The following PRCP variants were observed in gnomAD, a reference collection of about 807,000 sequenced individuals.
PRCP encodes the protein prolylcarboxypeptidase, also known as lysosomal Pro-X carboxypeptidase.
A neutral mutation model predicts 54.2 loss-of-function variants in PRCP; 46 were observed. The observed-to-expected ratio is 0.85, with a 90% confidence interval of 0.67 to 1.09. The LOEUF is 1.09. Among genes scored for constraint, PRCP ranks in the 50% least tolerant of loss-of-function variants. The pLI is 0.00. For synonymous variants in PRCP, 240 were observed against 212.2 expected, an observed-to-expected ratio of 1.13 and a Z score of -1.14; for missense variants, 613 against 596.8, an observed-to-expected ratio of 1.03 and a Z score of -0.28.
chr11:82,861,889 G>A (rs1013421230), intron 1 of PRCP, among the ~76,000 whole-genome samples: 15 of 151,996 alleles, frequency 9.9e-5, no homozygotes, highest in African/African-American at 3.4e-4. Flanking sequence ...ATTTTAATAT[G>A]GACTAGTTAT....
chr11:82,837,556 A>C (rs1183940900), intron 8 of PRCP, among the ~76,000 whole-genome samples: 2 of 152,252 alleles, frequency 1.3e-5, no homozygotes, highest in Admixed American at 6.5e-5. Flanking sequence ...GAACTTCTAA[A>C]AGAATGACAT....
intron 1 of PRCP, among the ~76,000 whole-genome samples, chr11:82,890,517 C>G (rs1264054695): frequency 6.6e-6 from 1 of 152,166 alleles, no homozygotes; most frequent in Non-Finnish European, 1.5e-5. Flanking sequence ...CCGTCACTTT[C>G]TCACTCTCTC....
chr11:82,825,138 A>G lies in PRCP; in HGVS notation c.1275-16T>C. 1 of 1,598,566 alleles carries G rather than the reference A, an allele frequency of 6.3e-7. No individual in the cohort carries two copies. Among genetic ancestry groups the G allele is most frequent in the Non-Finnish European group, 8.5e-7 (1 of 1,171,082 alleles). On this transcript the variant is annotated splice_polypyrimidine_tract_variant and intron_variant, in intron 8 of 8. Coordinates refer to ENST00000313010, the MANE Select transcript of PRCP (RefSeq NM_005040.4). The stretch of plus-strand genomic sequence containing the variant: ...TTCACCATTGCTGCAAGTGAAAAAA[A>G]GAAGAAAAAATAAAGTTGTTAGTTT...
intron 1 of PRCP, among the ~76,000 whole-genome samples, chr11:82,860,849 C>T (rs79082950): frequency 2.0e-5 from 3 of 152,210 alleles, no homozygotes; most frequent in African/African-American, 7.2e-5. Flanking sequence ...GGCTGATTGA[C>T]ATTTGGGACA....
At chr11:82,886,662 G>T (rs10792660) in intron 1 of PRCP, among the ~76,000 whole-genome samples, 1 of 152,012 alleles carries the variant, frequency 6.6e-6, no homozygotes, top group South Asian at 2.1e-4. Flanking sequence ...CATGGTACAA[G>T]GGCTGTGATG....
intron 1 of PRCP, among the ~76,000 whole-genome samples, chr11:82,872,269 C>T (rs1859500001): frequency 6.6e-6 from 1 of 152,186 alleles, no homozygotes; most frequent in South Asian, 2.1e-4. Flanking sequence ...GCTCCAATAA[C>T]ACAGCCTACT....
chr11:82,825,899 T>C (rs1858218152), intron 8 of PRCP: 1 of 152,216 alleles, frequency 6.6e-6, no homozygotes, highest in Non-Finnish European at 1.5e-5. Flanking sequence ...GAGTATCTAC[T>C]TTCACTGAGT....
chr11:82,839,483 T>C, intron 6 of PRCP, 58 bp from the exon 7 acceptor site: 1 of 1,486,154 alleles, frequency 6.7e-7, no homozygotes, highest in Non-Finnish European at 9.2e-7. Flanking sequence ...AAAATGACAG[T>C]TTAATAACAC....
At chr11:82,828,276 T>G (rs1445091002) in intron 8 of PRCP, 1 of 152,212 alleles carries the variant, frequency 6.6e-6, no homozygotes, top group Non-Finnish European at 1.5e-5. Flanking sequence ...GAACCATGAC[T>G]GCTGTTGGAA....
intron 8 of PRCP, among the ~76,000 whole-genome samples, chr11:82,832,729 T>C (rs1228864170): frequency 1.3e-5 from 2 of 152,252 alleles, no homozygotes; most frequent in Non-Finnish European, 2.9e-5. Flanking sequence ...TTGTCAATTT[T>C]GGCTTTTGTT....
At chr11:82,844,359 G>A (rs900142716) in intron 6 of PRCP, among the ~76,000 whole-genome samples, 2 of 152,074 alleles carry the variant, frequency 1.3e-5, no homozygotes, top group African/African-American at 4.8e-5. Context: ...GGAGTTCAAG[G>A]CTGCAGTGAG....
chr11:82,857,635 T>C (rs1230202070), intron 2 of PRCP, among the ~76,000 whole-genome samples: 1 of 152,258 alleles, frequency 6.6e-6, no homozygotes, highest in African/African-American at 2.4e-5. Flanking sequence ...TTGTCATTCC[T>C]AGTGCACATT....
chr11:82,887,439 G>T (rs764174426), intron 1 of PRCP, among the ~76,000 whole-genome samples: 3 of 152,144 alleles, frequency 2.0e-5, no homozygotes, highest in Non-Finnish European at 2.9e-5. Context: ...GTAACTGTTA[G>T]GTATTATATC....
At chr11:82,849,023 A>G (rs747274370) in intron 6 of PRCP, 26 bp downstream of exon 6, 1 of 1,598,116 alleles carries the variant, frequency 6.3e-7, no homozygotes, top group Non-Finnish European at 8.5e-7. Context: ...TTATTAAAAA[A>G]TGATGACAGG....
chr11:82,876,521 G>A (rs1375097464), intron 1 of PRCP, among the ~76,000 whole-genome samples: 2 of 152,144 alleles, frequency 1.3e-5, no homozygotes, highest in African/African-American at 4.8e-5. Flanking sequence ...GAACTCCCAC[G>A]TGTTGTGGGA....
chr11:82,861,235 T>G (rs1565227060), intron 1 of PRCP, among the ~76,000 whole-genome samples: 1 of 152,162 alleles, frequency 6.6e-6, no homozygotes, highest in Non-Finnish European at 1.5e-5. Flanking sequence ...TGGCTACGAA[T>G]AGTCCCAGTT....
At chr11:82,860,270 T>C (rs990111661) in intron 1 of PRCP, among the ~76,000 whole-genome samples, 153 bp from the exon 2 acceptor site, 2 of 151,980 alleles carry the variant, frequency 1.3e-5, no homozygotes, top group Non-Finnish European at 2.9e-5. Flanking sequence ...AATAGTAATA[T>C]CGATATTATT....
intron 1 of PRCP, among the ~76,000 whole-genome samples, chr11:82,891,076 CTT>C (rs1226526160): frequency 6.6e-6 from 1 of 152,178 alleles, no homozygotes; most frequent in Non-Finnish European, 1.5e-5. Context: ...CCCCACCTTT[CTT>C]CTAAATTCTT....
intron 2 of PRCP, among the ~76,000 whole-genome samples, chr11:82,855,511 C>G (rs914588802): frequency 1.3e-5 from 2 of 151,916 alleles, no homozygotes; most frequent in Admixed American, 1.3e-4. Flanking sequence ...CCCAGCTACT[C>G]GGGAGACTGA....
Sources: gnomAD v4.1 joint callset for allele counts (sites outside exome capture counted in the v4.1 genomes callset) on GRCh38, gnomAD v4.1.1 for gene constraint, MANE v1.5 for transcripts, NCBI Gene and HGNC (gene_info 2026-07-23, HGNC 2026-07-21) for gene names.